Variants in FAM107A observed in about 807,000 individuals in gnomAD.
FAM107A encodes actin-associated protein FAM107A.
In FAM107A, 19 loss-of-function variants were observed where a neutral mutation model predicts 13.7. The ratio of observed to expected loss-of-function variants is 1.38; its 90% CI spans 0.97 to 2.03. The LOEUF is 2.03. Ranked by LOEUF, FAM107A falls within the 30% of genes most tolerant of loss-of-function variation. The pLI, the probability that FAM107A is intolerant of heterozygous loss-of-function variation, is 0.00. For synonymous variants in FAM107A, 82 were observed against 74.5 expected, an observed-to-expected ratio of 1.10 and a Z score of -0.52; for missense variants, 203 against 184.4, an observed-to-expected ratio of 1.10 and a Z score of -0.58.
At chr3:58,627,319 A>G in intron 1 of FAM107A, 1 of 397,682 alleles carries the variant, frequency 2.5e-6, no homozygotes. Flanking sequence ...CTGGGAAATG[A>G]GGGAAGACGT....
intron 1 of FAM107A, among the ~76,000 whole-genome samples, chr3:58,597,581 C>T (rs988570477): frequency 1.3e-5 from 2 of 152,122 alleles, no homozygotes; most frequent in Admixed American, 6.5e-5. Context: ...GTCTGCAATG[C>T]CTAGCACAGT....
At chr3:58,620,372 TG>T (rs2065942537) in intron 1 of FAM107A, among the ~76,000 whole-genome samples, 1 of 152,202 alleles carries the variant, frequency 6.6e-6, no homozygotes, top group Non-Finnish European at 1.5e-5. Context: ...CCTGTAGGCC[TG>T]GTAATGCACA....
In FAM107A at chr3:58,627,000, G is replaced by A. The variant is rs1289485542; in HGVS notation, c.-70+416C>T. 4.6e-6 allele frequency: 7 copies of A among 1,536,068 alleles called. No individual in the cohort carries two copies. The East Asian group carries it at 7.3e-5, about 16-fold the overall frequency. On this transcript the variant is annotated intron_variant, in intron 1 of 3. Coordinates refer to the FAM107A transcript ENST00000465970. ...TTCCCCTGGGCTGCTCCCATGGCAC[G>A]AAGTGGGCACCAGGCCTGGGTGGGC... is the stretch of plus-strand genomic sequence containing the variant.
chr3:58,591,110 C>T (rs60305302), upstream of FAM107A, among the ~76,000 whole-genome samples: 1,451 of 152,166 alleles, frequency 9.5e-3, 28 homozygotes, highest in African/African-American at 0.033. The surrounding 1 kb of genome is among the most constrained non-coding windows in gnomAD (Gnocchi z 4.3). Context: ...GCAGCGTTCA[C>T]GTTCACATTC....
intron 1 of FAM107A, among the ~76,000 whole-genome samples, chr3:58,612,664 T>C (rs2065865699): frequency 1.3e-5 from 2 of 152,054 alleles, no homozygotes; most frequent in African/African-American, 2.4e-5. Flanking sequence ...GTGGTTATAC[T>C]TGCTGATTTT....
At position 58,585,144 on chromosome 3, in the gene FAM107A, A is replaced by C. The variant is rs1264037764; in HGVS notation, c.79+1714T>G. ...TTACCCGCAGGCGTGCAGCCCCTGG[A>C]AACACTCCTACGTGTTTGCTATTCT... On this transcript the variant is annotated intron_variant, in intron 1 of 3. Transcript: ENST00000447756. 2.6e-5 allele frequency among the ~76,000 whole-genome samples: 4 copies of C among 152,112 alleles called. No individual in the cohort carries two copies. The East Asian group carries it at 7.7e-4, about 29-fold the overall frequency.
At chr3:58,615,296 C>T (rs2065891322) in intron 1 of FAM107A, among the ~76,000 whole-genome samples, 1 of 151,950 alleles carries the variant, frequency 6.6e-6, no homozygotes, top group Non-Finnish European at 1.5e-5. Context: ...TTCTGTTGTT[C>T]TTTTACCAAC....
At chr3:58,626,905 C>T in intron 1 of FAM107A, 1 of 1,492,028 alleles carries the variant, frequency 6.7e-7, no homozygotes, top group South Asian at 1.2e-5. Flanking sequence ...GTCGGGGCTC[C>T]CACTTGCTAG....
chr3:58,568,352 A>G (rs1280911079), intron 2 of FAM107A, among the ~76,000 whole-genome samples: 1 of 151,706 alleles, frequency 6.6e-6, no homozygotes, highest in African/African-American at 2.4e-5. Context: ...GGAGAATGGC[A>G]TGAACCTGGG....
intron 1 of FAM107A, among the ~76,000 whole-genome samples, chr3:58,611,682 C>T (rs2065855753): frequency 6.6e-6 from 1 of 152,186 alleles, no homozygotes; most frequent in Non-Finnish European, 1.5e-5. Context: ...GGACGGCTGC[C>T]TGGGTCTGAT....
At position 58,567,240 on chromosome 3, in the gene FAM107A, C is replaced by T. The variant is rs1342481794; in HGVS notation, c.295G>A (p.Glu99Lys). The part of the protein sequence containing the change: ...AKRLQCPFEQ[E>K]LLRRQQRLNQ... ...AGCCTCTGCTGCCGTCTCAGCAGCT[C>T]CTGCTCAAAGGGGCACTGCAGCCGC... The change falls in exon 3 of 4, where the codon GAG becomes AAG. Residue 99 changes from glutamate (E) to lysine (K), a missense_variant. By Grantham distance (56) the Glu-to-Lys change is moderately conservative. Transcript: ENST00000360997. The T allele has an allele frequency of 6.2e-7, 1 of 1,614,204 alleles. No homozygotes were observed. The highest frequency in any genetic ancestry group is 8.5e-7 in the Non-Finnish European group (1 of 1,180,036).
chr3:58,569,774 G>C lies in FAM107A; in HGVS notation c.87C>G (p.Ile29Met). ...CGGGGTTCAGCAGCTTCTTGGGCTT[G>C]ATGAGCTCCGGATTCCACTCTCTGT... ...PEYREWNPELIKPKKLLNPVK... is the reference protein window; with the variant it reads ...PEYREWNPELMKPKKLLNPVK... Residue 29 changes from isoleucine (I) to methionine (M), a missense_variant, in exon 2 of 4, where the codon ATC becomes ATG. Physicochemically the swap from Ile to Met is conservative, Grantham distance 10. Transcript: ENST00000360997. This position sits in a 1 kb window ranked among gnomAD's most constrained non-coding sequence, Gnocchi z 5.7. The C allele has an allele frequency of 1.2e-6, 2 of 1,614,098 alleles. No individual in the cohort carries two copies. The highest frequency in any genetic ancestry group is 2.2e-5 in the South Asian group (2 of 91,062).
chr3:58,583,498 T>C (rs902733132), intron 1 of FAM107A, among the ~76,000 whole-genome samples: 2 of 151,958 alleles, frequency 1.3e-5, no homozygotes, highest in African/African-American at 4.8e-5. Flanking sequence ...GGCGGGAGCC[T>C]GTAATTCCAG....
At chr3:58,579,018 T>C (rs2063751773), upstream of FAM107A, among the ~76,000 whole-genome samples, 1 of 152,200 alleles carries the variant, frequency 6.6e-6, no homozygotes. Flanking sequence ...GGAACCTACC[T>C]TCAAGGGGGA....
chr3:58,571,299 A>T (rs2063681272), intron 1 of FAM107A, among the ~76,000 whole-genome samples: 1 of 152,168 alleles, frequency 6.6e-6, no homozygotes, highest in Admixed American at 6.5e-5. Flanking sequence ...CACATACGTA[A>T]AGGTGCTGTG....
rs553696910 is a variant in FAM107A at position 58,613,328 on chromosome 3, T to A, written c.-70+14088A>T. 1.2e-4 allele frequency among the ~76,000 whole-genome samples: 19 copies of A among 152,258 alleles called. No individual in the cohort carries two copies. The highest frequency in any genetic ancestry group is 4.3e-4 in the African/African-American group (18 of 41,546). ...GGAGCAGGAGTCAAACTGTGGGTTG[T>A]CTGACTTCACTGCCCAGGCTTCTCA... On this transcript the variant is annotated intron_variant, in intron 1 of 3. Transcript: ENST00000465970. This position sits in a 1 kb window ranked among gnomAD's most constrained non-coding sequence, Gnocchi z 4.6.
chr3:58,582,311 C>T (rs2065556625), upstream of FAM107A, among the ~76,000 whole-genome samples: 1 of 152,202 alleles, frequency 6.6e-6, no homozygotes, highest in Non-Finnish European at 1.5e-5. Flanking sequence ...CCCTACCTGG[C>T]AGAGGCAGGG....
At position 58,566,412 on chromosome 3, in the gene FAM107A, T is replaced by A. The variant is rs1175644972; in HGVS notation, c.*176A>T. Reference sequence around the variant, plus strand: ...TGCTTGGAAGGAAAACCTAGGAGCTTAGGGGCCCCAGCCTCCCAGGGAGAG... The same window carrying A: ...TGCTTGGAAGGAAAACCTAGGAGCTAAGGGGCCCCAGCCTCCCAGGGAGAG... On this transcript the variant is annotated 3_prime_UTR_variant, in exon 4 of 4. Transcript: ENST00000360997. 1 of 579,242 alleles carries A rather than the reference T, an allele frequency of 1.7e-6. No homozygotes were observed. The highest frequency in any genetic ancestry group is 1.9e-5 in the African/African-American group (1 of 53,328). The allele number at this position is 579,242 out of a possible 1,614,324, so 35.9% of individuals were successfully genotyped here. A position where few individuals can be genotyped will look rare whatever the true frequency, so the allele number is the denominator to read the frequency against.
intron 1 of FAM107A, among the ~76,000 whole-genome samples, chr3:58,595,029 C>G (rs1176408798): frequency 5.9e-5 from 9 of 152,106 alleles, no homozygotes; most frequent in Non-Finnish European, 1.2e-4. Flanking sequence ...CAGGCCATCA[C>G]CAATCATTCT....
Sources: allele counts gnomAD v4.1 joint callset (sites outside exome capture counted in the v4.1 genomes callset), GRCh38; gene constraint gnomAD v4.1.1; non-coding constraint Gnocchi (gnomAD v3.1); transcripts MANE v1.5; gene names NCBI Gene and HGNC (gene_info 2026-07-23, HGNC 2026-07-21).